The following CCSER1 variants were observed in gnomAD, a reference collection of about 807,000 sequenced individuals.
The protein encoded by CCSER1 is serine-rich coiled-coil domain-containing protein 1.
In CCSER1, 41 loss-of-function variants were observed where a neutral mutation model predicts 82.0. The observed-to-expected ratio is 0.50, with a 90% CI of 0.39 to 0.65. CCSER1 has a LOEUF of 0.65. CCSER1 is among the 30% of genes least tolerant of loss of function. CCSER1 has a pLI of 0.00. For synonymous variants in CCSER1, 414 were observed against 383.9 expected, an observed-to-expected ratio of 1.08 and a Z score of -0.92; for missense variants, 1,119 against 1,064.2, an observed-to-expected ratio of 1.05 and a Z score of -0.72.
At chr4:90,613,871 A>G (rs1269786897) in intron 5 of CCSER1, among the ~76,000 whole-genome samples, 2 of 152,214 alleles carry the variant, frequency 1.3e-5, no homozygotes, top group Admixed American at 6.5e-5. Flanking sequence ...GGCTCTAAGA[A>G]CATGAATAGT....
intron 1 of CCSER1, among the ~76,000 whole-genome samples, chr4:90,174,436 A>G (rs904371180): frequency 6.6e-6 from 1 of 151,952 alleles, no homozygotes; most frequent in Non-Finnish European, 1.5e-5. Context: ...ACAAAGAACA[A>G]TGGATCGTAA....
chr4:90,145,805 G>T (rs1725693391), intron 1 of CCSER1, among the ~76,000 whole-genome samples: 1 of 151,910 alleles, frequency 6.6e-6, no homozygotes, highest in Admixed American at 6.6e-5. Context: ...CCTAATATGT[G>T]CAATAAAAAC....
intron 1 of CCSER1, among the ~76,000 whole-genome samples, chr4:90,235,587 A>G (rs970420967): frequency 3.3e-5 from 5 of 152,228 alleles, no homozygotes; most frequent in African/African-American, 9.6e-5. Flanking sequence ...ATCCTGAAAC[A>G]TATAAATTTA....
At chr4:90,548,364 T>A (rs1231837325) in intron 5 of CCSER1, among the ~76,000 whole-genome samples, 1 of 152,104 alleles carries the variant, frequency 6.6e-6, no homozygotes, top group Non-Finnish European at 1.5e-5. Flanking sequence ...CATTCAATCT[T>A]TAGGGCCTAC....
chr4:91,451,376 C>T (rs1755861355), intron 10 of CCSER1, among the ~76,000 whole-genome samples: 1 of 151,928 alleles, frequency 6.6e-6, no homozygotes, highest in Non-Finnish European at 1.5e-5. Flanking sequence ...ATTTTAAAAG[C>T]ATCATACTAT....
intron 10 of CCSER1, among the ~76,000 whole-genome samples, chr4:91,454,031 G>A (rs892019231): frequency 2.6e-5 from 4 of 152,018 alleles, no homozygotes; most frequent in Non-Finnish European, 5.9e-5. Flanking sequence ...TTCTTAACCT[G>A]ACATCTATGA....
chr4:90,307,482 C>T (rs371229691), intron 1 of CCSER1, among the ~76,000 whole-genome samples: 12 of 124,898 alleles, frequency 9.6e-5, no homozygotes, highest in African/African-American at 3.5e-4. Context: ...CTCTCAGCTT[C>T]CCAAACCAAA....
intron 7 of CCSER1, among the ~76,000 whole-genome samples, chr4:90,732,056 T>TCTCTCTCTCTCTCTCTCTCTCTCACA (rs761678318): frequency 1.4e-5 from 2 of 144,710 alleles, no homozygotes; most frequent in African/African-American, 5.0e-5. Flanking sequence ...TCTCTCTCTC[T>TCTCTCTCTCTCTCTCTCTCTCTCACA]CTCTCACTGC....
chr4:91,338,624 T>G (rs1747482317), intron 10 of CCSER1, among the ~76,000 whole-genome samples: 1 of 152,126 alleles, frequency 6.6e-6, no homozygotes, highest in Non-Finnish European at 1.5e-5. Context: ...ATAGTTAACA[T>G]ACTAAAGTGC....
chr4:90,354,519 G>C (rs937645809), intron 3 of CCSER1, among the ~76,000 whole-genome samples: 2 of 151,998 alleles, frequency 1.3e-5, no homozygotes, highest in African/African-American at 4.8e-5. Flanking sequence ...ACGCACAATA[G>C]TAACTGTGTG....
intron 8 of CCSER1, among the ~76,000 whole-genome samples, chr4:90,840,324 C>T (rs1762427471): frequency 6.6e-6 from 1 of 152,202 alleles, no homozygotes; most frequent in East Asian, 1.9e-4. Context: ...TTACAAAAGA[C>T]GTTAACTCTA....
intron 5 of CCSER1, among the ~76,000 whole-genome samples, chr4:90,560,101 T>C (rs1778591786): frequency 6.6e-6 from 1 of 152,056 alleles, no homozygotes; most frequent in Non-Finnish European, 1.5e-5. Context: ...TATCATATAA[T>C]TGGTGATTTT....
At chr4:91,409,226 A>G (rs1337926133) in intron 10 of CCSER1, among the ~76,000 whole-genome samples, 1 of 152,242 alleles carries the variant, frequency 6.6e-6, no homozygotes, top group Non-Finnish European at 1.5e-5. Context: ...AGGAACAATT[A>G]AATGGTTCAT....
intron 10 of CCSER1, among the ~76,000 whole-genome samples, chr4:91,178,402 AC>A (rs1416823654): frequency 1.5e-5 from 1 of 68,614 alleles, no homozygotes; most frequent in East Asian, 3.9e-4. Flanking sequence ...TCTAATGTTG[AC>A]AGTGGGGTAA....
intron 10 of CCSER1, among the ~76,000 whole-genome samples, chr4:91,462,714 T>C (rs1272859518): frequency 6.6e-6 from 1 of 152,164 alleles, no homozygotes; most frequent in African/African-American, 2.4e-5. Context: ...AGATTATATC[T>C]TGTGCCTGGC....
At chr4:91,438,945 G>A (rs561431727) in intron 10 of CCSER1, among the ~76,000 whole-genome samples, 9 of 152,248 alleles carry the variant, frequency 5.9e-5, no homozygotes, top group African/African-American at 1.9e-4. Flanking sequence ...AGAATAAAAA[G>A]AAATGAACAA....
chr4:91,289,480 A>G (rs1743581759), intron 10 of CCSER1, among the ~76,000 whole-genome samples: 1 of 152,064 alleles, frequency 6.6e-6, no homozygotes, highest in Admixed American at 6.6e-5. Context: ...GACAGCATGA[A>G]AGAACAGATG....
intron 1 of CCSER1, among the ~76,000 whole-genome samples, chr4:90,195,783 G>A (rs779629330): frequency 6.6e-6 from 1 of 152,028 alleles, no homozygotes; most frequent in East Asian, 1.9e-4. Context: ...CAGAAACTAC[G>A]TTTGGCATTT....
At chr4:90,132,954 T>G (rs1723055714) in intron 1 of CCSER1, among the ~76,000 whole-genome samples, 1 of 152,174 alleles carries the variant, frequency 6.6e-6, no homozygotes, top group Admixed American at 6.5e-5. Flanking sequence ...GTTTTCAAAA[T>G]GTGGTGTCCT....
Sources: gnomAD v4.1 joint callset for allele counts (sites outside exome capture counted in the v4.1 genomes callset) on GRCh38, gnomAD v4.1.1 for gene constraint, MANE v1.5 for transcripts, NCBI Gene and HGNC (gene_info 2026-07-23, HGNC 2026-07-21) for gene names.